Variants in PABIR3 observed in about 807,000 individuals in gnomAD.
PABIR3 encodes PABIR family member 1.
PABIR3 carries 20 observed loss-of-function variants against 23.1 expected under a neutral mutation model. The ratio of observed to expected loss-of-function variants is 0.86; its 90% CI spans 0.61 to 1.26. The LOEUF (loss-of-function observed/expected upper bound fraction) is 1.26, where lower values mean the gene tolerates loss of function less well. Ranked by LOEUF, PABIR3 falls within the 50% of genes most tolerant of loss-of-function variation. The pLI is 0.00. For synonymous variants in PABIR3, 69 were observed against 68.5 expected, an observed-to-expected ratio of 1.01 and a Z score of -0.04; for missense variants, 189 against 195.4, an observed-to-expected ratio of 0.97 and a Z score of 0.20.
At chrX:134,797,520 T>C (rs5978044) in intron 1 of PABIR3, among the ~76,000 whole-genome samples, 4,634 of 112,151 alleles carry the variant, frequency 0.041, 66 homozygotes, top group African/African-American at 0.051. Flanking sequence ...CTTAAATCCC[T>C]CGATTTTGTT....
Position 134,847,471 on chromosome X carries a change from G to A in PABIR3, c.434G>A (p.Gly145Glu), listed in dbSNP as rs745431208. 8.4e-7 allele frequency: 1 copy of A among 1,183,815 alleles called. No individual in the cohort carries two copies. The highest frequency in any genetic ancestry group is 3.0e-5 in the East Asian group (1 of 33,659). ...ATGGCTTCTTCCATCAAGAAGACTG[G>A]GAAGGTAAGAAAGGAGTACCTAAAA... ...SSMASSIKKT[G>E]KQCFSPSLQT... Residue 145 changes from glycine to glutamate, a missense_variant, in exon 7 of 11, where the codon GGG becomes GAG. Physicochemically the swap from Gly to Glu is moderately conservative, Grantham distance 98 (BLOSUM62 -2). Coordinates refer to ENST00000645433, the MANE Select transcript of PABIR3 (RefSeq NM_001388447.1).
rs766858996 is a variant in PABIR3, at chrX:134,810,481, A to G, written c.110+2773A>G. On this transcript the variant is annotated intron_variant, in intron 2 of 10. Coordinates refer to ENST00000645433, the MANE Select transcript of PABIR3 (RefSeq NM_001388447.1). ...GTCCAGGGACTCTAGTCTGTCAGAAAGAAGTAACATAGGAATGATGTGTGA... is the reference window on the plus strand; with the variant it reads ...GTCCAGGGACTCTAGTCTGTCAGAAGGAAGTAACATAGGAATGATGTGTGA... 143 of 752,944 alleles carry G rather than the reference A, an allele frequency of 1.9e-4. No homozygotes were observed. In the South Asian group the frequency reaches 8.2e-3, roughly 43 times the overall value. The allele number at this position is 752,944 out of a possible 1,213,427, so 62.1% of individuals were successfully genotyped here. A position where few individuals can be genotyped will look rare whatever the true frequency, so the allele number is the denominator to read the frequency against.
At chrX:134,810,870 A>G (rs2080614948) in intron 2 of PABIR3, 2 of 751,762 alleles carry the variant, frequency 2.7e-6, no homozygotes, top group African/African-American at 4.6e-5. Flanking sequence ...CCAGTCCCTC[A>G]GAAAGAAGTA....
Position 134,814,827 on chromosome X carries a change from C to T in PABIR3, c.167C>T (p.Thr56Ile). Residue 56 changes from threonine to isoleucine, a missense_variant, in exon 3 of 11, where the codon ACA becomes ATA. By Grantham distance (89) the Thr-to-Ile change is moderately conservative (BLOSUM62 -1). Coordinates refer to ENST00000645433, the MANE Select transcript of PABIR3 (RefSeq NM_001388447.1). ...TTAAGAATTAGGACAAACAGAACAA[C>T]ATTTAGGAATCGACGCTCTCTGGTA... is the stretch of plus-strand genomic sequence containing the variant. The part of the protein sequence containing the change: ...DMLRIRTNRT[T>I]FRNRRSLLLP... The T allele has an allele frequency of 1.7e-6, 2 of 1,196,367 alleles. No individual in the cohort carries two copies. The highest frequency in any genetic ancestry group is 2.3e-6 in the Non-Finnish European group (2 of 887,129).
intron 3 of PABIR3, among the ~76,000 whole-genome samples, chrX:134,826,144 G>C (rs933270049): frequency 9.0e-6 from 1 of 110,921 alleles, no homozygotes; most frequent in African/African-American, 3.3e-5. Flanking sequence ...CAAACTCTTT[G>C]AGCATGACAT....
At chrX:134,798,983 A>G (rs920993535) in intron 1 of PABIR3, among the ~76,000 whole-genome samples, 26 of 112,569 alleles carry the variant, frequency 2.3e-4, no homozygotes, top group African/African-American at 8.1e-4. Context: ...TTGGAAGCCC[A>G]TTTAGTTAGC....
intron 1 of PABIR3, 29 bp from the exon 2 acceptor site, chrX:134,807,511 T>C: frequency 8.5e-7 from 1 of 1,172,735 alleles, no homozygotes; most frequent in African/African-American, 1.8e-5. Context: ...CCTTTGCCTC[T>C]CTCCTTACAT....
At chrX:134,809,389 T>C (rs759668069) in intron 2 of PABIR3, 4 of 312,292 alleles carry the variant, frequency 1.3e-5, no homozygotes, top group Non-Finnish European at 1.7e-5. Context: ...ATGGTCTTGA[T>C]CTCCTGACCT....
intron 4 of PABIR3, among the ~76,000 whole-genome samples, chrX:134,837,108 G>A (rs1394008300): frequency 9.0e-6 from 1 of 110,902 alleles, no homozygotes; most frequent in African/African-American, 3.3e-5. Flanking sequence ...CACTTTGGAA[G>A]GCCGAGGCGG....
At chrX:134,805,315 G>A (rs6654678), upstream of PABIR3, among the ~76,000 whole-genome samples, 661 of 111,845 alleles carry the variant, frequency 5.9e-3, 11 homozygotes, top group African/African-American at 0.02. Context: ...GATTAGGACA[G>A]TACCTGGCAC....
chrX:134,848,719 T>C (rs898141913), intron 8 of PABIR3, among the ~76,000 whole-genome samples: 1 of 111,779 alleles, frequency 8.9e-6, no homozygotes, highest in African/African-American at 3.3e-5. Flanking sequence ...AGCAGTAAAA[T>C]GGCCGAGCAT....
At chrX:134,859,844 A>G in the PABIR3 span, among the ~76,000 whole-genome samples, 1 of 112,241 alleles carries the variant, frequency 8.9e-6, no homozygotes, top group African/African-American at 3.2e-5. Context: ...AAAAACAGAC[A>G]AACTTGAAAG....
intron 4 of PABIR3, chrX:134,838,658 CTCCCCCCT>C (rs2082064567): frequency 6.8e-4 from 7 of 10,284 alleles, no homozygotes; most frequent in African/African-American, 3.2e-3. Flanking sequence ...CCCCCTCCCC[CTCCCCCCT>C]CCCCCCCTCC....
At chrX:134,810,924 C>T in intron 2 of PABIR3, 1 of 753,925 alleles carries the variant, frequency 1.3e-6, no homozygotes. Flanking sequence ...GGGAACTTGC[C>T]CAAATGATCT....
At chrX:134,857,232 G>A (rs2082754891), downstream of PABIR3, among the ~76,000 whole-genome samples, 1 of 111,354 alleles carries the variant, frequency 9.0e-6, no homozygotes, top group Non-Finnish European at 1.9e-5. Flanking sequence ...GTTGCCTCCG[G>A]AAGCTCTGAG....
chrX:134,840,270 C>T (rs900296000), intron 4 of PABIR3, among the ~76,000 whole-genome samples: 4 of 110,747 alleles, frequency 3.6e-5, no homozygotes, highest in African/African-American at 1.3e-4. Context: ...CCTTTGTTCA[C>T]TTGTTTATCT....
rs185238391 is a variant in PABIR3, at chrX:134,825,380, A to C, written c.190-3846A>C. On this transcript the variant is annotated intron_variant, in intron 3 of 10. Transcript: ENST00000645433. ...AAACTCTGTGCCAGGTGCTGTGCTA[A>C]ACACATTACATGTATTATCACCATT... Among the ~76,000 whole-genome samples, 32 of 112,160 alleles carry C rather than the reference A, an allele frequency of 2.9e-4. 1 individual carries two copies. Among genetic ancestry groups the C allele is most frequent in the African/African-American group, 1.0e-3 (31 of 30,902 alleles).
chrX:134,801,964 G>A (rs912326501), intron 1 of PABIR3, among the ~76,000 whole-genome samples: 3 of 109,266 alleles, frequency 2.7e-5, no homozygotes, highest in Admixed American at 9.8e-5. Flanking sequence ...ACTGGAAAAC[G>A]ATGAGCTGCC....
upstream of PABIR3, among the ~76,000 whole-genome samples, chrX:134,802,760 C>T (rs184238317): frequency 8.8e-6 from 1 of 113,007 alleles, no homozygotes; most frequent in African/African-American, 3.2e-5. Context: ...TGTTCACACC[C>T]GCTGGCCTTG....
Sources: gnomAD v4.1 joint callset for allele counts (sites outside exome capture counted in the v4.1 genomes callset) on GRCh38, gnomAD v4.1.1 for gene constraint, MANE v1.5 for transcripts, NCBI Gene and HGNC (gene_info 2026-07-23, HGNC 2026-07-21) for gene names.